Variants in GRM7 observed in about 807,000 individuals in gnomAD.
GRM7 encodes glutamate metabotropic receptor 7.
Under a neutral mutation model 84.5 loss-of-function variants are expected in GRM7, and 35 were observed. The observed-to-expected ratio is 0.41, with a 90% CI of 0.32 to 0.55. GRM7 has a LOEUF of 0.55. Among genes scored for constraint, GRM7 ranks in the 20% least tolerant of loss-of-function variants. The probability of loss-of-function intolerance (pLI) is 0.19; values close to 1 mark genes in which losing one functional copy is unlikely to be tolerated. For synonymous variants in GRM7, 487 were observed against 455.1 expected (o/e 1.07, Z -0.89); for missense variants, 1,003 against 1,194.6 (o/e 0.84, Z 2.36).
chr3:6,924,679 T>A (rs1335805945), intron 1 of GRM7, among the ~76,000 whole-genome samples: 1 of 152,138 alleles, frequency 6.6e-6, no homozygotes. Flanking sequence ...TTTAAAAATT[T>A]TACATAGAAG....
intron 7 of GRM7, among the ~76,000 whole-genome samples, chr3:7,552,628 A>C (rs1194095340): frequency 6.6e-6 from 1 of 152,184 alleles, no homozygotes; most frequent in African/African-American, 2.4e-5. Flanking sequence ...GCCCAACATC[A>C]TGTGGAAGCT....
intron 2 of GRM7, among the ~76,000 whole-genome samples, chr3:7,214,890 T>C (rs142943006): frequency 7.2e-4 from 110 of 152,330 alleles, no homozygotes; most frequent in African/African-American, 2.5e-3. Context: ...AACATTGGAT[T>C]CTTTATATAT....
intron 9 of GRM7, among the ~76,000 whole-genome samples, chr3:7,731,871 C>A (rs760000237): frequency 6.6e-6 from 1 of 152,120 alleles, no homozygotes; most frequent in Non-Finnish European, 1.5e-5. Flanking sequence ...AGGAAGACAG[C>A]TTTGGCCCAC....
chr3:7,455,915 T>C (rs1697989580), intron 6 of GRM7, among the ~76,000 whole-genome samples: 1 of 151,516 alleles, frequency 6.6e-6, no homozygotes, highest in Non-Finnish European at 1.5e-5. Context: ...CGCACAACAT[T>C]GTATCAATCT....
At chr3:7,447,087 G>A (rs750775838) in intron 5 of GRM7, among the ~76,000 whole-genome samples, 6 of 152,102 alleles carry the variant, frequency 3.9e-5, no homozygotes, top group Admixed American at 6.5e-5. Flanking sequence ...ATCGGGAGAC[G>A]TGAAAAGTTA....
chr3:7,322,568 C>A (rs1234228289), intron 4 of GRM7, among the ~76,000 whole-genome samples: 4 of 151,962 alleles, frequency 2.6e-5, no homozygotes, highest in East Asian at 3.9e-4. Context: ...CCTCTTCCCC[C>A]ACCCCAGTCC....
intron 8 of GRM7, among the ~76,000 whole-genome samples, chr3:7,629,729 G>C (rs888429849): frequency 6.6e-6 from 1 of 152,154 alleles, no homozygotes; most frequent in Non-Finnish European, 1.5e-5. Flanking sequence ...ACCTAACACA[G>C]TGTCTTAAAA....
At chr3:7,389,041 A>G (rs1354164729) in intron 4 of GRM7, among the ~76,000 whole-genome samples, 1 of 151,988 alleles carries the variant, frequency 6.6e-6, no homozygotes, top group African/African-American at 2.4e-5. Flanking sequence ...TCTTAATGCC[A>G]CTTTTGCCAC....
At chr3:7,520,351 T>C (rs2124989790) in intron 7 of GRM7, 1 of 152,272 alleles carries the variant, frequency 6.6e-6, no homozygotes, top group East Asian at 1.9e-4. Flanking sequence ...TAAGAGCCAC[T>C]TTTGTGGTCA....
intron 5 of GRM7, among the ~76,000 whole-genome samples, chr3:7,419,930 G>T (rs1299241488): frequency 6.6e-6 from 1 of 152,278 alleles, no homozygotes; most frequent in Admixed American, 6.5e-5. Flanking sequence ...TTTGATTTGT[G>T]TCCCTAATCA....
intron 9 of GRM7, among the ~76,000 whole-genome samples, chr3:7,719,483 T>A (rs957972593): frequency 1.3e-5 from 2 of 152,144 alleles, no homozygotes; most frequent in Non-Finnish European, 2.9e-5. Context: ...TAGCAAAGGC[T>A]GGCAATCCCA....
At chr3:7,547,596 C>T (rs1408877962) in intron 7 of GRM7, among the ~76,000 whole-genome samples, 1 of 152,116 alleles carries the variant, frequency 6.6e-6, no homozygotes, top group Non-Finnish European at 1.5e-5. Context: ...TTGCCCAGGT[C>T]CAACACCTTA....
chr3:7,400,582 C>A (rs751186249), intron 4 of GRM7, among the ~76,000 whole-genome samples: 2 of 152,178 alleles, frequency 1.3e-5, no homozygotes, highest in Non-Finnish European at 2.9e-5. Context: ...CTGTAATTCT[C>A]CACTCTCTCC....
chr3:7,341,373 GTT>G (rs3030894), intron 4 of GRM7, among the ~76,000 whole-genome samples: 6,045 of 89,382 alleles, frequency 0.068, 261 homozygotes, highest in African/African-American at 0.24. Flanking sequence ...TTCAACTCAT[GTT>G]TTTTTTTTGT....
chr3:7,246,272 A>G (rs1010298964), intron 2 of GRM7, among the ~76,000 whole-genome samples: 4 of 152,136 alleles, frequency 2.6e-5, no homozygotes, highest in African/African-American at 9.7e-5. Flanking sequence ...GCTCCAGATT[A>G]GCCTATTGCA....
intron 7 of GRM7, among the ~76,000 whole-genome samples, chr3:7,514,579 G>T (rs972844180): frequency 1.3e-5 from 2 of 152,140 alleles, no homozygotes; most frequent in Non-Finnish European, 2.9e-5. Context: ...TGCTTGGGGT[G>T]GCTGCAATCC....
chr3:7,646,352 C>T (rs902686585), intron 8 of GRM7, among the ~76,000 whole-genome samples: 26 of 152,202 alleles, frequency 1.7e-4, no homozygotes, highest in African/African-American at 9.6e-5. Context: ...CCACCACACT[C>T]GGCTAATTTT....
At chr3:7,303,050 C>A (rs1700063405) in intron 3 of GRM7, among the ~76,000 whole-genome samples, 1 of 150,920 alleles carries the variant, frequency 6.6e-6, no homozygotes, top group Non-Finnish European at 1.5e-5. Context: ...ATGCCATTCT[C>A]CTGCCTCAGC....
intron 1 of GRM7, among the ~76,000 whole-genome samples, chr3:6,998,071 A>G (rs1694882634): frequency 7.3e-6 from 1 of 136,516 alleles, no homozygotes; most frequent in Non-Finnish European, 1.5e-5. Flanking sequence ...GTGAGCCAAG[A>G]TTGCATCATT....
Sources: allele counts gnomAD v4.1 joint callset (sites outside exome capture counted in the v4.1 genomes callset), GRCh38; gene constraint gnomAD v4.1.1; transcripts MANE v1.5; gene names NCBI Gene and HGNC (gene_info 2026-07-23, HGNC 2026-07-21).